Variants in TRAPPC6A observed in about 807,000 individuals in gnomAD.
TRAPPC6A encodes trafficking protein particle complex subunit 6A.
TRAPPC6A carries 25 observed loss-of-function variants against 20.8 expected under a neutral mutation model. That is an observed-to-expected ratio of 1.20 (90% CI 0.88 to 1.68). TRAPPC6A has a LOEUF of 1.68. TRAPPC6A is among the 40% of genes most tolerant of loss of function. The probability of loss-of-function intolerance (pLI) is 0.00; values close to 1 mark genes in which losing one functional copy is unlikely to be tolerated. For synonymous variants in TRAPPC6A, 96 were observed against 93.3 expected (o/e 1.03, Z -0.16); for missense variants, 215 against 211.6 (o/e 1.02, Z -0.10).
intron 1 of TRAPPC6A, among the ~76,000 whole-genome samples, chr19:45,176,119 A>G (rs1969367872): frequency 6.6e-6 from 1 of 151,730 alleles, no homozygotes; most frequent in Non-Finnish European, 1.5e-5. Flanking sequence ...CAGCCTCCCG[A>G]GTTCTTGGTA....
In TRAPPC6A at chr19:45,175,370, T is replaced by C. The variant is rs1458607359; in HGVS notation, c.84+2765A>G. On this transcript the variant is annotated intron_variant, in intron 1 of 5. Coordinates refer to ENST00000585934, the MANE Select transcript of TRAPPC6A (RefSeq NM_001270891.2). ...TGAACCCGGGAGGCGGAGCTTGCAG[T>C]GAGCCGAGATCGCGCCACTGCACTC... 2.0e-5 allele frequency among the ~76,000 whole-genome samples: 3 copies of C among 146,824 alleles called. No homozygotes were observed. In the East Asian group the frequency reaches 5.9e-4, roughly 29 times the overall value.
chr19:45,171,578 C>G (rs1175131268), intron 1 of TRAPPC6A, among the ~76,000 whole-genome samples: 2 of 151,022 alleles, frequency 1.3e-5, no homozygotes, highest in African/African-American at 5.0e-5. Context: ...TGGCCAAAAT[C>G]AACACTTTTT....
chr19:45,165,044 A>T (rs1252190074), intron 2 of TRAPPC6A, 74 bp from the exon 3 acceptor site: 3 of 1,609,112 alleles, frequency 1.9e-6, no homozygotes, highest in Non-Finnish European at 1.7e-6. Flanking sequence ...CGACTCCTGC[A>T]TGGAGCAATG....
chr19:45,174,825 T>C (rs1307143642), intron 1 of TRAPPC6A, among the ~76,000 whole-genome samples: 3 of 151,846 alleles, frequency 2.0e-5, no homozygotes, highest in South Asian at 2.1e-4. Context: ...CAAGACTCTC[T>C]TTAAAAAAAA....
Position 45,163,241 on chromosome 19 carries a change from G to T in TRAPPC6A, c.449-18C>A, listed in dbSNP as rs778115422. 3.7e-6 allele frequency: 6 copies of T among 1,613,776 alleles called. No individual in the cohort carries two copies. In the Admixed American group the frequency reaches 6.7e-5, roughly 18 times the overall value. ...GAACTTACCTGGAAGAGAAGGCCTG[G>T]CTTAGGCTTGAGGATGGGATGGGGG... On this transcript the variant is annotated intron_variant, in intron 5 of 5. Transcript: ENST00000585934. This position sits in a 1 kb window ranked among gnomAD's most constrained non-coding sequence, Gnocchi z 5.3.
chr19:45,164,019 G>A lies in TRAPPC6A; in HGVS notation c.355-10C>T, dbSNP rs747140866. ...AGGTGAAGGCCAGGAACTGAGGAGG[G>A]AACACAGACCAGCATGGGAAGAGAG... On this transcript the variant is annotated splice_polypyrimidine_tract_variant and intron_variant, in intron 4 of 5. Coordinates refer to ENST00000585934, the MANE Select transcript of TRAPPC6A (RefSeq NM_001270891.2). 5.7e-6 allele frequency: 9 copies of A among 1,567,174 alleles called. No individual in the cohort carries two copies. The African/African-American group carries it at 1.2e-4, about 21-fold the overall frequency.
chr19:45,164,931 A>G lies in TRAPPC6A; in HGVS notation c.192T>C (p.Asp64=). The G allele has an allele frequency of 6.2e-7, 1 of 1,614,124 alleles. No individual in the cohort carries two copies. The highest frequency in any genetic ancestry group is 8.5e-7 in the Non-Finnish European group (1 of 1,179,986). The change falls in exon 3 of 6, where the codon GAT becomes GAC. Residue 64 remains aspartate (D), a synonymous_variant. Transcript: ENST00000585934. ...GGTCTTTGCACAAGAACTTGAGGAC[A>G]TCCAGCTCCTCCCTGAAGGCCAGCG... ...RETLAFREEL[D]VLKFLCKDLW...
At chr19:45,169,800 G>A (rs1327975139) in intron 1 of TRAPPC6A, among the ~76,000 whole-genome samples, 1 of 152,172 alleles carries the variant, frequency 6.6e-6, no homozygotes, top group Non-Finnish European at 1.5e-5. Flanking sequence ...CACTCTGAGG[G>A]AACACGTCTG....
chr19:45,171,221 G>T (rs1034956141), intron 1 of TRAPPC6A, among the ~76,000 whole-genome samples: 1 of 152,188 alleles, frequency 6.6e-6, no homozygotes, highest in Admixed American at 6.5e-5. Flanking sequence ...AGGATCGCTT[G>T]AACCCGGGAG....
At chr19:45,166,827 G>A (rs1969164407) in intron 1 of TRAPPC6A, among the ~76,000 whole-genome samples, 1 of 152,030 alleles carries the variant, frequency 6.6e-6, no homozygotes, top group African/African-American at 2.4e-5. Context: ...TCCCTCCAGG[G>A]CTGCACCATC....
rs1414616961 is a variant in TRAPPC6A at position 45,164,939 on chromosome 19, C to T, written c.184G>A (p.Glu62Lys). ...LPRETLAFREELDVLKFLCKD... is the reference protein window; with the variant it reads ...LPRETLAFREKLDVLKFLCKD... ...CACAAGAACTTGAGGACATCCAGCT[C>T]CTCCCTGAAGGCCAGCGTCTCCCGG... Residue 62 changes from glutamate (E) to lysine (K), a missense_variant, in exon 3 of 6, where the codon GAG becomes AAG. Physicochemically the swap from Glu to Lys is moderately conservative, Grantham distance 56 (BLOSUM62 1). Coordinates refer to ENST00000585934, the MANE Select transcript of TRAPPC6A (RefSeq NM_001270891.2). 6.2e-7 allele frequency: 1 copy of T among 1,614,050 alleles called. No individual in the cohort carries two copies. The highest frequency in any genetic ancestry group is 8.5e-7 in the Non-Finnish European group (1 of 1,180,020).
chr19:45,171,348 C>T (rs1969264921), intron 1 of TRAPPC6A, among the ~76,000 whole-genome samples: 2 of 125,988 alleles, frequency 1.6e-5, no homozygotes, highest in Non-Finnish European at 3.5e-5. Flanking sequence ...GAAGGGCTGG[C>T]CAGACAGAGA....
At chr19:45,164,540 T>C (rs1969100495) in intron 3 of TRAPPC6A, among the ~76,000 whole-genome samples, 1 of 152,252 alleles carries the variant, frequency 6.6e-6, no homozygotes, top group African/African-American at 2.4e-5. Flanking sequence ...ACAGCCTGGG[T>C]GTCACTGGGG....
Position 45,164,256 on chromosome 19 carries a change from G to A in TRAPPC6A, c.271-9C>T. ...TGCAGGACGTAGGTCCCCTGGGGGA[G>A]AGGAGAGGCTGGTGGGTGGGGTCGG... On this transcript the variant is annotated splice_polypyrimidine_tract_variant and intron_variant, in intron 3 of 5. Transcript: ENST00000585934. 1 of 1,588,838 alleles carries A rather than the reference G, an allele frequency of 6.3e-7. No individual in the cohort carries two copies. The highest frequency in any genetic ancestry group is 8.6e-7 in the Non-Finnish European group (1 of 1,166,028).
At chr19:45,175,616 G>A (rs1320750239) in intron 1 of TRAPPC6A, among the ~76,000 whole-genome samples, 1 of 152,106 alleles carries the variant, frequency 6.6e-6, no homozygotes, top group Non-Finnish European at 1.5e-5. Flanking sequence ...GCATGGTGAA[G>A]ATGTGACAGG....
rs1318644294 is a variant in TRAPPC6A at position 45,163,320 on chromosome 19, A to AC, written c.449-98dup. 2 of 1,354,444 alleles carry AC rather than the reference A, an allele frequency of 1.5e-6. No individual in the cohort carries two copies. The highest frequency in any genetic ancestry group is 2.1e-6 in the Non-Finnish European group (2 of 961,732). The allele number at this position is 1,354,444 out of a possible 1,614,324, so 83.9% of individuals were successfully genotyped here. On this transcript the variant is annotated intron_variant, in intron 5 of 5. Coordinates refer to ENST00000585934, the MANE Select transcript of TRAPPC6A (RefSeq NM_001270891.2). The surrounding 1 kb of genome is among the most constrained non-coding windows in gnomAD (Gnocchi z 5.3). ...GCGCTCACCCCCGTCCTGCACTGAC[A>AC]CCCCAGTGGCTAGGTTGGGCTGTTT...
chr19:45,163,287 G>A lies in TRAPPC6A; in HGVS notation c.449-64C>T, dbSNP rs1268080535. ...GGGGGAGGCAGAGGGCACCTGGACGGCTCTTAGGCGCTCACCCCCGTCCTG... is the reference window on the plus strand; with the variant it reads ...GGGGGAGGCAGAGGGCACCTGGACGACTCTTAGGCGCTCACCCCCGTCCTG... On this transcript the variant is annotated intron_variant, in intron 5 of 5. Transcript: ENST00000585934. This position sits in a 1 kb window ranked among gnomAD's most constrained non-coding sequence, Gnocchi z 5.3. 3.2e-6 allele frequency: 5 copies of A among 1,564,906 alleles called. No individual in the cohort carries two copies. The highest frequency in any genetic ancestry group is 4.4e-6 in the Non-Finnish European group (5 of 1,139,666).
At chr19:45,165,751 A>G (rs1969138736) in intron 1 of TRAPPC6A, among the ~76,000 whole-genome samples, 1 of 152,170 alleles carries the variant, frequency 6.6e-6, no homozygotes, top group Non-Finnish European at 1.5e-5. Context: ...GTGCTCGAAA[A>G]GGACAGTGGC....
rs770420088 is a variant in TRAPPC6A at position 45,164,839 on chromosome 19, C to A, written c.270+14G>T. ...TCAGGAGGAAGCTGGACGGGCAGGC[C>A]GGGGTGCTCCCACCTGGTGATTGGT... On this transcript the variant is annotated intron_variant, in intron 3 of 5. Coordinates refer to ENST00000585934, the MANE Select transcript of TRAPPC6A (RefSeq NM_001270891.2). 6.2e-7 allele frequency: 1 copy of A among 1,611,238 alleles called. No homozygotes were observed. Among genetic ancestry groups the A allele is most frequent in the Non-Finnish European group, 8.5e-7 (1 of 1,177,542 alleles).
Sources: gnomAD v4.1 joint callset for allele counts (sites outside exome capture counted in the v4.1 genomes callset) on GRCh38, gnomAD v4.1.1 for gene constraint, Gnocchi (gnomAD v3.1) non-coding constraint, MANE v1.5 for transcripts, NCBI Gene and HGNC (gene_info 2026-07-23, HGNC 2026-07-21) for gene names.